Variants in WDR36 observed in about 807,000 individuals in gnomAD.
WDR36 encodes the protein WD repeat domain 36, also known as WD repeat-containing protein 36.
In WDR36, 63 loss-of-function variants were observed where a neutral mutation model predicts 112.7. The ratio of observed to expected loss-of-function variants is 0.56; its 90% CI spans 0.46 to 0.69. The LOEUF (loss-of-function observed/expected upper bound fraction) is 0.69. Among genes scored for constraint, WDR36 ranks in the 30% least tolerant of loss-of-function variants. The pLI, the probability that WDR36 is intolerant of heterozygous loss-of-function variation, is 0.00. For missense variants in WDR36, 1,226 were observed against 1,070.3 expected (o/e 1.15, Z -2.03); for synonymous variants, 410 against 362.2 (o/e 1.13, Z -1.50).
chr5:111,099,033 T>C (rs1355335313), intron 4 of WDR36, among the ~76,000 whole-genome samples, 194 bp downstream of exon 4: 5 of 152,182 alleles, frequency 3.3e-5, no homozygotes, highest in Admixed American at 1.3e-4. Flanking sequence ...AGTTAACTAC[T>C]TATAAACTGT....
At chr5:111,108,360 A>G (rs1753260409) in intron 12 of WDR36, among the ~76,000 whole-genome samples, 1 of 151,234 alleles carries the variant, frequency 6.6e-6, no homozygotes, top group Non-Finnish European at 1.5e-5. Context: ...TGCTGAACTT[A>G]TTAGTTCTAA....
intron 7 of WDR36, 61 bp from the exon 8 acceptor site, chr5:111,104,116 T>G: frequency 6.7e-7 from 1 of 1,495,644 alleles, no homozygotes. Context: ...GAGAGAAGAA[T>G]TCTTGTTTAT....
intron 21 of WDR36, among the ~76,000 whole-genome samples, chr5:111,125,346 A>G (rs1753657656): frequency 2.0e-5 from 3 of 152,072 alleles, no homozygotes; most frequent in African/African-American, 7.2e-5. Flanking sequence ...AAGGCATTAG[A>G]TTTTCTTTAT....
Position 111,105,368 on chromosome 5 carries a change from C to G in WDR36, c.1093+8C>G. ...ATAAGAGCTTGGGACATGGTAGGTCCTCTACAAGACAAAATAAGCTGGTCA... is the reference window on the plus strand; with the variant it reads ...ATAAGAGCTTGGGACATGGTAGGTCGTCTACAAGACAAAATAAGCTGGTCA... On this transcript the variant is annotated splice_region_variant and intron_variant, in intron 10 of 22. Transcript: ENST00000513710. 6.2e-7 allele frequency: 1 copy of G among 1,607,696 alleles called. No homozygotes were observed. The highest frequency in any genetic ancestry group is 8.5e-7 in the Non-Finnish European group (1 of 1,175,374).
chr5:111,109,283 G>A (rs533222335), intron 12 of WDR36, among the ~76,000 whole-genome samples: 1 of 151,186 alleles, frequency 6.6e-6, no homozygotes, highest in Non-Finnish European at 1.5e-5. Flanking sequence ...GTTTCATTTA[G>A]GAAGATAAAA....
rs1412951611 is a variant in WDR36, at chr5:111,121,037, T to C, written c.2044T>C (p.Leu682=). The change falls in exon 19 of 23, where the codon TTG becomes CTG. Residue 682 remains leucine (L), a synonymous_variant. Transcript: ENST00000513710. ...AGAAACAGTAGAACCAAGTGATGAA[T>C]TGATAGAATATGATTCGCCAGAACA... The part of the protein sequence containing the change: ...SEETVEPSDE[L]IEYDSPEQLN... 6.2e-7 allele frequency: 1 copy of C among 1,613,546 alleles called. No homozygotes were observed. The highest frequency in any genetic ancestry group is 8.5e-7 in the Non-Finnish European group (1 of 1,179,616).
At chr5:111,100,808 T>C in intron 5 of WDR36, 87 bp downstream of exon 5, 1 of 1,341,158 alleles carries the variant, frequency 7.5e-7, no homozygotes, top group Non-Finnish European at 1.0e-6. Flanking sequence ...CATTTCTCCC[T>C]GCCCTTGTAT....
At position 111,104,337 on chromosome 5, in the gene WDR36, T is replaced by C; in HGVS notation, c.891T>C (p.Ala297=). The change falls in exon 8 of 23, where the codon GCT becomes GCC. Residue 297 remains alanine, a synonymous_variant. Coordinates refer to ENST00000513710, the MANE Select transcript of WDR36 (RefSeq NM_139281.3). ...AGCCACTTCTTGTCACAAATGGCGC[T>C]GACAATGCTCTTAGGGTATTATGAT... is the stretch of plus-strand genomic sequence containing the variant. ...HREPLLVTNG[A]DNALRIWIFD... is the part of the protein sequence containing the mutation. 6.2e-7 allele frequency: 1 copy of C among 1,611,910 alleles called. No homozygotes were observed. The highest frequency in any genetic ancestry group is 2.2e-5 in the East Asian group (1 of 44,834).
intron 17 of WDR36, 66 bp downstream of exon 17, chr5:111,119,186 C>T: frequency 7.7e-7 from 1 of 1,296,536 alleles, no homozygotes; most frequent in Non-Finnish European, 1.1e-6. Context: ...GTTAGAGTTG[C>T]TAAAATTGTC....
Position 111,124,207 on chromosome 5 carries a change from A to G in WDR36, c.2350+18A>G, listed in dbSNP as rs766652090. ...TAATAAGTGTAAGTTGAATTATAAG[A>G]TATTTTAACTAATATATTTAGCTTA... On this transcript the variant is annotated intron_variant, in intron 21 of 22. Transcript: ENST00000513710. 6 of 1,577,986 alleles carry G rather than the reference A, an allele frequency of 3.8e-6. No homozygotes were observed. The highest frequency in any genetic ancestry group is 2.3e-5 in the East Asian group (1 of 44,438).
At position 111,123,947 on chromosome 5, in the gene WDR36, CTAAGTA is replaced by C. The variant is rs1024281449; in HGVS notation, c.2268+26_2268+31del. 8.1e-6 allele frequency: 13 copies of C among 1,612,842 alleles called. No individual in the cohort carries two copies. In the African/African-American group the frequency reaches 1.3e-4, roughly 17 times the overall value. On this transcript the variant is annotated intron_variant, in intron 20 of 22. Coordinates refer to ENST00000513710, the MANE Select transcript of WDR36 (RefSeq NM_139281.3). ...CAGGTAAAAAACAAATTAGAAGATT[CTAAGTA>C]TATCGGTGTATGTTTGTATGTGTTT...
At chr5:111,096,833 T>C (rs986829638) in intron 2 of WDR36, among the ~76,000 whole-genome samples, 11 of 152,226 alleles carry the variant, frequency 7.2e-5, no homozygotes, top group Non-Finnish European at 1.2e-4. Flanking sequence ...TAGGATTATG[T>C]TTTTATTTCT....
chr5:111,106,186 A>G (rs201188867), intron 11 of WDR36, 43 bp downstream of exon 11: 2 of 1,481,190 alleles, frequency 1.4e-6, no homozygotes, highest in African/African-American at 1.4e-5. Flanking sequence ...CTCCTTTGTC[A>G]TTTATTTCCT....
chr5:111,121,200 T>C, intron 19 of WDR36, 59 bp downstream of exon 19: 1 of 1,596,146 alleles, frequency 6.3e-7, no homozygotes, highest in Non-Finnish European at 8.6e-7. Context: ...TTTTATTTTT[T>C]TAAGCAGAGA....
chr5:111,128,655 A>C lies in WDR36; in HGVS notation c.*1772A>C, dbSNP rs942278951. 2 of 182,090 alleles carry C rather than the reference A, an allele frequency of 1.1e-5. No homozygotes were observed. The highest frequency in any genetic ancestry group is 4.7e-5 in the African/African-American group (2 of 42,514). 11.3% of individuals were successfully genotyped at this position (182,090 alleles called of 1,614,324 possible). A position where few individuals can be genotyped will look rare whatever the true frequency, so the allele number is the denominator to read the frequency against. On this transcript the variant is annotated 3_prime_UTR_variant, in exon 23 of 23. Transcript: ENST00000513710. Reference sequence around the variant, plus strand: ...TTCTTCTCTTTTTAAAGTGAGCATAAAGACTTAAGTGTATTGTTACCAGAG... The same window carrying C: ...TTCTTCTCTTTTTAAAGTGAGCATACAGACTTAAGTGTATTGTTACCAGAG...
rs1210616769 is a variant in WDR36, at chr5:111,127,899, G to T, written c.*1016G>T. 2.5e-5 allele frequency: 5 copies of T among 199,548 alleles called. No homozygotes were observed. Among genetic ancestry groups the T allele is most frequent in the Non-Finnish European group, 5.1e-5 (5 of 98,916 alleles). The allele number at this position is 199,548 out of a possible 1,614,324, so 12.4% of individuals were successfully genotyped here. ...CAAGAATGGGTATTTCAAAGCCAGG[G>T]TTTTTTTTATTTTGTTTTGTTTTGT... On this transcript the variant is annotated 3_prime_UTR_variant, in exon 23 of 23. Transcript: ENST00000513710.
chr5:111,106,682 T>C (rs187833002), intron 11 of WDR36, among the ~76,000 whole-genome samples: 18 of 151,602 alleles, frequency 1.2e-4, no homozygotes, highest in Admixed American at 1.1e-3. Flanking sequence ...TTGAGTCATG[T>C]TTCTAAAAAC....
chr5:111,094,651 A>G (rs923158862), intron 1 of WDR36, among the ~76,000 whole-genome samples: 4 of 152,218 alleles, frequency 2.6e-5, no homozygotes, highest in Non-Finnish European at 5.9e-5. Flanking sequence ...TTGGCAACAG[A>G]GACCACATGC....
rs548776285 is a variant in WDR36, at chr5:111,105,750, C to T, written c.1094-307C>T. The stretch of plus-strand genomic sequence containing the variant: ...ATTCTCTTTCCCTTTTCATGGTTTC[C>T]AGCCTTTGAAAGATTTTGTTTATTA... On this transcript the variant is annotated intron_variant, in intron 10 of 22. Transcript: ENST00000513710. 6.6e-5 allele frequency among the ~76,000 whole-genome samples: 10 copies of T among 151,568 alleles called. No homozygotes were observed. In the East Asian group the frequency reaches 1.9e-3, roughly 29 times the overall value.
Sources: gnomAD v4.1 joint callset for allele counts (sites outside exome capture counted in the v4.1 genomes callset) on GRCh38, gnomAD v4.1.1 for gene constraint, MANE v1.5 for transcripts, NCBI Gene and HGNC (gene_info 2026-07-23, HGNC 2026-07-21) for gene names.